Variants in TRERF1 observed in about 807,000 individuals in gnomAD.
The protein encoded by TRERF1 is transcriptional regulating factor 1.
TRERF1 carries 27 observed loss-of-function variants against 122.9 expected under a neutral mutation model. The ratio of observed to expected loss-of-function variants is 0.22; its 90% CI spans 0.16 to 0.30. The LOEUF is 0.30. TRERF1 is among the 10% of genes least tolerant of loss of function. TRERF1 has a pLI of 1.00. For missense variants in TRERF1, 1,248 were observed against 1,560.3 expected (o/e 0.80, Z 3.37); for synonymous variants, 636 against 641.7 (o/e 0.99, Z 0.13).
chr6:42,376,046 T>C (rs1229257232), intron 2 of TRERF1, among the ~76,000 whole-genome samples: 1 of 152,056 alleles, frequency 6.6e-6, no homozygotes, highest in African/African-American at 2.4e-5. Flanking sequence ...TGGGGGAAAC[T>C]GCTTGTCCTG....
intron 3 of TRERF1, among the ~76,000 whole-genome samples, chr6:42,306,126 C>T (rs1787198457): frequency 6.6e-6 from 1 of 151,000 alleles, no homozygotes; most frequent in African/African-American, 2.4e-5. Flanking sequence ...CCTAGCCTCT[C>T]GAGTAGCTGG....
At chr6:42,303,785 TTG>T (rs1223408043) in intron 3 of TRERF1, among the ~76,000 whole-genome samples, 1 of 150,954 alleles carries the variant, frequency 6.6e-6, no homozygotes, top group African/African-American at 2.4e-5. Flanking sequence ...GTGTGGTGGT[TTG>T]TGTTTGTAGT....
rs1322087908 is a variant in TRERF1, at chr6:42,268,121, G to C, written c.1437+33C>G. On this transcript the variant is annotated intron_variant, in intron 5 of 17. Transcript: ENST00000372922. This position sits in a 1 kb window ranked among gnomAD's most constrained non-coding sequence, Gnocchi z 4.4. ...CTCAGCCCTGACCCTGTAGCACACT[G>C]GGTATTGAGAGAAACTTCCAATGGG... The C allele has an allele frequency of 2.8e-6, 4 of 1,435,914 alleles. No individual in the cohort carries two copies. Among genetic ancestry groups the C allele is most frequent in the African/African-American group, 1.4e-5 (1 of 70,356 alleles). The allele number at this position is 1,435,914 out of a possible 1,614,324, so 88.9% of individuals were successfully genotyped here.
chr6:42,300,313 G>A (rs1409384252), intron 4 of TRERF1, among the ~76,000 whole-genome samples: 1 of 152,136 alleles, frequency 6.6e-6, no homozygotes, highest in Non-Finnish European at 1.5e-5. Context: ...ATTCTATCCT[G>A]TCTCAGAGAT....
intron 2 of TRERF1, among the ~76,000 whole-genome samples, chr6:42,419,526 GCAGAACCT>G: frequency 6.6e-6 from 1 of 152,152 alleles, no homozygotes; most frequent in East Asian, 1.9e-4. Flanking sequence ...TCTAAAGTGC[GCAGAACCT>G]CAGCACCTTA....
chr6:42,448,629 T>G (rs1272978743), intron 2 of TRERF1, among the ~76,000 whole-genome samples: 1 of 152,168 alleles, frequency 6.6e-6, no homozygotes, highest in East Asian at 1.9e-4. Context: ...ACACAGAATT[T>G]CAGAGCCGGA....
intron 1 of TRERF1, among the ~76,000 whole-genome samples, 65 bp downstream of exon 1, chr6:42,451,609 C>G (rs1384093539): frequency 1.3e-5 from 2 of 151,184 alleles, no homozygotes; most frequent in Non-Finnish European, 3.0e-5. Context: ...CCCCCTCCCC[C>G]CTTCTATATA....
At chr6:42,287,798 C>T (rs1783537047) in intron 4 of TRERF1, among the ~76,000 whole-genome samples, 1 of 152,110 alleles carries the variant, frequency 6.6e-6, no homozygotes. Flanking sequence ...GGTCGGGTCT[C>T]ACCCCCTCCA....
intron 2 of TRERF1, among the ~76,000 whole-genome samples, chr6:42,401,963 T>C (rs553895501): frequency 3.3e-5 from 5 of 152,316 alleles, no homozygotes; most frequent in East Asian, 3.9e-4. Flanking sequence ...CAGCAGCCGA[T>C]AACGAAGAAA....
At chr6:42,295,656 T>G (rs1784982938) in intron 4 of TRERF1, among the ~76,000 whole-genome samples, 1 of 152,206 alleles carries the variant, frequency 6.6e-6, no homozygotes, top group African/African-American at 2.4e-5. Context: ...TTTTTCCCTC[T>G]TGGATATCCA....
intron 2 of TRERF1, among the ~76,000 whole-genome samples, chr6:42,425,744 T>C (rs1783548235): frequency 6.6e-6 from 1 of 151,074 alleles, no homozygotes; most frequent in Non-Finnish European, 1.5e-5. Flanking sequence ...AGGTTTTCAC[T>C]ATGTTAGCCA....
intron 2 of TRERF1, among the ~76,000 whole-genome samples, chr6:42,440,970 GC>G (rs891009138): frequency 2.0e-5 from 3 of 152,220 alleles, no homozygotes; most frequent in Non-Finnish European, 4.4e-5. Flanking sequence ...GCCGAGCTCT[GC>G]CTACATTACC....
chr6:42,406,684 G>T (rs1338914676), intron 2 of TRERF1, among the ~76,000 whole-genome samples: 1 of 151,932 alleles, frequency 6.6e-6, no homozygotes, highest in Non-Finnish European at 1.5e-5. Context: ...CTAGCCCCTT[G>T]CCCTGAGTGG....
At chr6:42,366,956 T>C (rs1772854824) in intron 2 of TRERF1, among the ~76,000 whole-genome samples, 1 of 152,012 alleles carries the variant, frequency 6.6e-6, no homozygotes. Context: ...AGATGCCCCA[T>C]AAGAAATCAG....
At chr6:42,334,019 ACACACACG>A (rs1341241985) in intron 3 of TRERF1, among the ~76,000 whole-genome samples, 4 of 147,916 alleles carry the variant, frequency 2.7e-5, no homozygotes, top group Admixed American at 6.7e-5. Context: ...ACACACACAC[ACACACACG>A]TATGTACACA....
At chr6:42,371,969 G>A (rs1413178755) in intron 2 of TRERF1, among the ~76,000 whole-genome samples, 2 of 152,100 alleles carry the variant, frequency 1.3e-5, no homozygotes, top group African/African-American at 4.8e-5. Context: ...ATCACTTGAG[G>A]TCAGGAGTTC....
chr6:42,230,595 G>A (rs1240288623), intron 17 of TRERF1, among the ~76,000 whole-genome samples: 1 of 152,102 alleles, frequency 6.6e-6, no homozygotes, highest in Non-Finnish European at 1.5e-5. Flanking sequence ...GTCAGCTGAG[G>A]GTGGTTCCAT....
intron 2 of TRERF1, among the ~76,000 whole-genome samples, chr6:42,371,356 A>G (rs896590537): frequency 6.6e-6 from 1 of 152,122 alleles, no homozygotes; most frequent in Non-Finnish European, 1.5e-5. Context: ...TCTCCTTCCA[A>G]ATGCTTCCTC....
In TRERF1 at chr6:42,416,164, A is replaced by G. The variant is rs76862593; in HGVS notation, c.-454+35013T>C. On this transcript the variant is annotated intron_variant, in intron 2 of 17. Coordinates refer to ENST00000372922, the Ensembl canonical transcript of TRERF1. ...TTGTGCATTAACTATGCACCAAACT[A>G]CCTTACTGAATTCTCTTGTTTGTCT... Among the ~76,000 whole-genome samples the G allele has an allele frequency of 2.2e-4, 34 of 152,178 alleles. No homozygotes were observed. In the East Asian group the frequency reaches 6.4e-3, roughly 29 times the overall value.
Sources: gnomAD v4.1 joint callset for allele counts (sites outside exome capture counted in the v4.1 genomes callset) on GRCh38, gnomAD v4.1.1 for gene constraint, Gnocchi (gnomAD v3.1) non-coding constraint, MANE v1.5 for transcripts, NCBI Gene and HGNC (gene_info 2026-07-23, HGNC 2026-07-21) for gene names.